The following NKAIN3 variants were observed in gnomAD, a reference collection of about 807,000 sequenced individuals.
The protein encoded by NKAIN3 is sodium/potassium-transporting ATPase subunit beta-1-interacting protein 3.
In NKAIN3, 25 loss-of-function variants were observed where a neutral mutation model predicts 30.2. That is an observed-to-expected ratio of 0.83 (90% confidence interval 0.60 to 1.16). The LOEUF (loss-of-function observed/expected upper bound fraction) is 1.16, where lower values mean the gene tolerates loss of function less well. Among genes scored for constraint, NKAIN3 ranks in the 50% most tolerant of loss-of-function variants. The pLI, the probability that NKAIN3 is intolerant of heterozygous loss-of-function variation, is 0.00. For missense variants in NKAIN3, 225 were observed against 254.1 expected (o/e 0.89, Z 0.78); for synonymous variants, 91 against 89.6 (o/e 1.02, Z -0.09).
At chr8:62,931,562 C>T (rs1336863088) in intron 5 of NKAIN3, among the ~76,000 whole-genome samples, 1 of 152,150 alleles carries the variant, frequency 6.6e-6, no homozygotes, top group Non-Finnish European at 1.5e-5. Flanking sequence ...GCATCTCAGA[C>T]AACTTAAGAT....
At chr8:62,907,544 G>C (rs1430045872) in intron 4 of NKAIN3, among the ~76,000 whole-genome samples, 3 of 152,166 alleles carry the variant, frequency 2.0e-5, no homozygotes, top group African/African-American at 7.2e-5. Flanking sequence ...GGTAGGCCTA[G>C]GAGGAAAAAA....
chr8:62,990,351 C>T (rs1277625020), intron 5 of NKAIN3: 1 of 1,325,870 alleles, frequency 7.5e-7, no homozygotes, highest in Non-Finnish European at 9.7e-7. Context: ...CAACATCTTC[C>T]TAATCTTTCT....
At chr8:62,838,613 T>G (rs1266929828) in intron 4 of NKAIN3, among the ~76,000 whole-genome samples, 1 of 152,036 alleles carries the variant, frequency 6.6e-6, no homozygotes, top group Non-Finnish European at 1.5e-5. Flanking sequence ...GATAGGGATA[T>G]TGGTTGATGA....
intron 1 of NKAIN3, among the ~76,000 whole-genome samples, chr8:62,507,183 T>C (rs1342330084): frequency 1.2e-4 from 18 of 152,194 alleles, no homozygotes; most frequent in Admixed American, 1.2e-3. Flanking sequence ...TCAGTTTCAC[T>C]ATACAAAATT....
chr8:62,454,318 A>AAAAAAAAAAAAAAAAAAAAAAAAAAAAC, intron 1 of NKAIN3, among the ~76,000 whole-genome samples: 1 of 149,856 alleles, frequency 6.7e-6, no homozygotes, highest in Non-Finnish European at 1.5e-5. Context: ...AAAAAAAAAA[A>AAAAAAAAAAAAAAAAAAAAAAAAAAAAC]AAAAATCTGA....
chr8:62,696,696 G>A (rs75224291), intron 3 of NKAIN3, among the ~76,000 whole-genome samples: 5,038 of 151,792 alleles, frequency 0.033, 112 homozygotes, highest in Middle Eastern at 0.072. Flanking sequence ...AAATTGTAAC[G>A]TACAAAACGA....
At chr8:62,300,323 G>A (rs1177061202) in intron 1 of NKAIN3, among the ~76,000 whole-genome samples, 3 of 152,006 alleles carry the variant, frequency 2.0e-5, no homozygotes, top group Admixed American at 1.3e-4. Context: ...TAAATTAAAC[G>A]AGAACAAACA....
At chr8:62,546,349 CA>C (rs199838863) in intron 1 of NKAIN3, among the ~76,000 whole-genome samples, 415 of 151,622 alleles carry the variant, frequency 2.7e-3, no homozygotes, top group African/African-American at 8.6e-3. Flanking sequence ...CACTGGCTAC[CA>C]AAAAAAAGCA....
At chr8:62,869,221 T>C (rs911433529) in intron 4 of NKAIN3, among the ~76,000 whole-genome samples, 5 of 152,234 alleles carry the variant, frequency 3.3e-5, no homozygotes, top group African/African-American at 7.2e-5. Flanking sequence ...GGTATGCATG[T>C]GCCATGGTGG....
At chr8:62,536,725 A>G (rs981547026) in intron 1 of NKAIN3, among the ~76,000 whole-genome samples, 1 of 152,190 alleles carries the variant, frequency 6.6e-6, no homozygotes, top group Non-Finnish European at 1.5e-5. Flanking sequence ...TTGACAAGTG[A>G]AGCAGTTAGA....
chr8:62,922,381 A>G (rs912512001), intron 5 of NKAIN3, among the ~76,000 whole-genome samples: 2 of 152,168 alleles, frequency 1.3e-5, no homozygotes, highest in African/African-American at 4.8e-5. Flanking sequence ...CTAAGAATTT[A>G]TGAAAGAAGC....
intron 1 of NKAIN3, among the ~76,000 whole-genome samples, chr8:62,425,179 C>A (rs1472075365): frequency 6.6e-6 from 1 of 151,634 alleles, no homozygotes; most frequent in Non-Finnish European, 1.5e-5. Flanking sequence ...TTCAGTTAGG[C>A]AAGATTAACT....
At chr8:62,373,963 A>G (rs1419764487) in intron 1 of NKAIN3, among the ~76,000 whole-genome samples, 1 of 151,850 alleles carries the variant, frequency 6.6e-6, no homozygotes, top group Non-Finnish European at 1.5e-5. Flanking sequence ...AATACAAAAA[A>G]TTAGCCAGGC....
In NKAIN3 at chr8:62,965,763, T is replaced by C; in HGVS notation, c.*356T>C. The C allele has an allele frequency of 2.0e-6, 2 of 984,984 alleles. No homozygotes were observed. Among genetic ancestry groups the C allele is most frequent in the Non-Finnish European group, 1.2e-6 (1 of 829,580 alleles). 61.0% of individuals were successfully genotyped at this position (984,984 alleles called of 1,614,324 possible). A position where few individuals can be genotyped will look rare whatever the true frequency, so the allele number is the denominator to read the frequency against. ...GAAATCTCAGTGTGTGCTGTGGAGATGTTAAGTCAGCACTGCTGACTGTTG... is the reference window on the plus strand; with the variant it reads ...GAAATCTCAGTGTGTGCTGTGGAGACGTTAAGTCAGCACTGCTGACTGTTG... On this transcript the variant is annotated 3_prime_UTR_variant, in exon 7 of 7. Transcript: ENST00000623646.
At chr8:62,589,494 A>G (rs1426586770) in intron 2 of NKAIN3, among the ~76,000 whole-genome samples, 3 of 151,710 alleles carry the variant, frequency 2.0e-5, no homozygotes, top group Non-Finnish European at 4.4e-5. Context: ...TTAAAAGTAA[A>G]TCTAACTTTG....
intron 5 of NKAIN3, among the ~76,000 whole-genome samples, chr8:62,952,853 G>A (rs1463649076): frequency 6.6e-6 from 1 of 152,218 alleles, no homozygotes; most frequent in Admixed American, 6.5e-5. Context: ...ATCTTGACTT[G>A]AGAAAAGACA....
rs148746380 is a variant in NKAIN3 at position 62,868,554 on chromosome 8, G to A, written c.472-49899G>A. ...TCAGACTAAAATAATGATGATACCC[G>A]TGGTGCTGTAACTTTGATTCAGCCA... On this transcript the variant is annotated intron_variant, in intron 4 of 6. Coordinates refer to ENST00000623646, the MANE Select transcript of NKAIN3 (RefSeq NM_001304533.3). 5.8e-3 allele frequency among the ~76,000 whole-genome samples: 887 copies of A among 152,280 alleles called. 4 individuals carry two copies. Among genetic ancestry groups the A allele is most frequent in the South Asian group, 0.012 (56 of 4,832 alleles).
intron 1 of NKAIN3, among the ~76,000 whole-genome samples, chr8:62,250,214 C>T (rs1812055639): frequency 2.0e-5 from 3 of 152,224 alleles, no homozygotes; most frequent in Admixed American, 6.5e-5. Flanking sequence ...AGTAGTTAGT[C>T]CTTGTTTACA....
At chr8:62,289,362 T>A (rs918966153) in intron 1 of NKAIN3, among the ~76,000 whole-genome samples, 3 of 152,178 alleles carry the variant, frequency 2.0e-5, no homozygotes, top group Non-Finnish European at 4.4e-5. Flanking sequence ...CTTCTAGGGT[T>A]TTTCTGGTTT....
Sources: gnomAD v4.1 joint callset for allele counts (sites outside exome capture counted in the v4.1 genomes callset) on GRCh38, gnomAD v4.1.1 for gene constraint, MANE v1.5 for transcripts, NCBI Gene and HGNC (gene_info 2026-07-23, HGNC 2026-07-21) for gene names.